Variants in ATXN7L1 observed in about 807,000 individuals in gnomAD.
ATXN7L1 encodes ataxin-7-like protein 1.
In ATXN7L1, 15 loss-of-function variants were observed where a neutral mutation model predicts 70.8. That is an observed-to-expected ratio of 0.21 (90% CI 0.14 to 0.33). The LOEUF is 0.33. Among genes scored for constraint, ATXN7L1 ranks in the 10% least tolerant of loss-of-function variants. The pLI, the probability that ATXN7L1 is intolerant of heterozygous loss-of-function variation, is 1.00. For synonymous variants in ATXN7L1, 440 were observed against 445.1 expected (o/e 0.99, Z 0.14); for missense variants, 975 against 1,097.1 (o/e 0.89, Z 1.57).
intron 2 of ATXN7L1, among the ~76,000 whole-genome samples, chr7:105,855,800 T>A (rs1428760603): frequency 6.6e-6 from 1 of 152,170 alleles, no homozygotes; most frequent in East Asian, 1.9e-4. Context: ...CCTAAACAAT[T>A]CAGAATGACA....
chr7:105,650,669 G>A (rs1799699609), intron 4 of ATXN7L1, among the ~76,000 whole-genome samples: 1 of 152,238 alleles, frequency 6.6e-6, no homozygotes. Context: ...TGCCGGCCAA[G>A]AAGGTCATAG....
chr7:105,662,101 CTT>C (rs1282539624), intron 4 of ATXN7L1, among the ~76,000 whole-genome samples: 59 of 110,598 alleles, frequency 5.3e-4, no homozygotes, highest in Non-Finnish European at 9.4e-4. Context: ...CTTTTCTTTT[CTT>C]TTCTTTTTTT....
At position 105,692,424 on chromosome 7, in the gene ATXN7L1, T is replaced by TCCTTCCCTCCTTCCTTCCTTCCTTCCTC; in HGVS notation, c.356-27137_356-27136insGAGGAAGGAAGGAAGGAAGGAGGGAAGG. ...TTCCTTCCTTCCTTCCTTCCTTCCT[T>TCCTTCCCTCCTTCCTTCCTTCCTTCCTC]CCTCCCTCCCTCCCTCCCTCCCTTC... On this transcript the variant is annotated intron_variant, in intron 3 of 11. Coordinates refer to ENST00000419735, the MANE Select transcript of ATXN7L1 (RefSeq NM_020725.2). Among the ~76,000 whole-genome samples, 320 of 88,176 alleles carry TCCTTCCCTCCTTCCTTCCTTCCTTCCTC rather than the reference T, an allele frequency of 3.6e-3. 14 individuals carry two copies. The highest frequency in any genetic ancestry group is 0.013 in the African/African-American group (296 of 22,636). 57.8% of individuals were successfully genotyped at this position (88,176 alleles called of 152,430 possible).
intron 3 of ATXN7L1, among the ~76,000 whole-genome samples, chr7:105,711,483 T>C (rs1264995314): frequency 2.6e-5 from 4 of 152,198 alleles, no homozygotes; most frequent in Non-Finnish European, 4.4e-5. Flanking sequence ...GGTACAGGCA[T>C]TGGGTAAATG....
chr7:105,765,345 A>C (rs1042224995), intron 3 of ATXN7L1, among the ~76,000 whole-genome samples: 2 of 151,608 alleles, frequency 1.3e-5, no homozygotes, highest in Non-Finnish European at 2.9e-5. Context: ...TAAATAAGTC[A>C]TAACAGCTCA....
At chr7:105,720,468 C>G (rs475654) in intron 3 of ATXN7L1, among the ~76,000 whole-genome samples, 115,208 of 152,126 alleles carry the variant, frequency 0.76, 45,061 homozygotes, top group East Asian at 1. Context: ...GCTCAGACAG[C>G]AGTGCAGTGT....
intron 3 of ATXN7L1, among the ~76,000 whole-genome samples, chr7:105,674,878 C>T (rs1804379233): frequency 6.6e-6 from 1 of 152,176 alleles, no homozygotes; most frequent in South Asian, 2.1e-4. Context: ...CTTCCATCAG[C>T]CCCCAGGGAT....
At chr7:105,739,967 G>A (rs1797822908) in intron 3 of ATXN7L1, among the ~76,000 whole-genome samples, 2 of 152,164 alleles carry the variant, frequency 1.3e-5, no homozygotes, top group South Asian at 2.1e-4. Context: ...ATTTTTGACT[G>A]CACTGGAACC....
At chr7:105,841,041 A>C (rs1209253141) in intron 2 of ATXN7L1, among the ~76,000 whole-genome samples, 1 of 152,252 alleles carries the variant, frequency 6.6e-6, no homozygotes, top group Non-Finnish European at 1.5e-5. Context: ...GATGAGCTCC[A>C]GGTGTTTTTT....
intron 4 of ATXN7L1, among the ~76,000 whole-genome samples, chr7:105,664,575 G>GTCTATATATATATATATATATATATA: frequency 1.5e-5 from 2 of 131,990 alleles, no homozygotes; most frequent in South Asian, 4.9e-4. Context: ...GTATGTGTGT[G>GTCTATATATATATATATATATATATA]TATATATATA....
At chr7:105,755,598 G>A (rs910378436) in intron 3 of ATXN7L1, among the ~76,000 whole-genome samples, 2 of 152,132 alleles carry the variant, frequency 1.3e-5, no homozygotes, top group African/African-American at 4.8e-5. Context: ...CCATCCACTG[G>A]TCCTCTTTTT....
chr7:105,660,234 G>A (rs535691967), intron 4 of ATXN7L1, among the ~76,000 whole-genome samples: 3 of 152,094 alleles, frequency 2.0e-5, no homozygotes, highest in South Asian at 4.2e-4. Context: ...ATCATTCTAC[G>A]TGGCTGTCAA....
At chr7:105,655,622 C>T (rs11979407) in intron 4 of ATXN7L1, among the ~76,000 whole-genome samples, 107 of 152,306 alleles carry the variant, frequency 7.0e-4, no homozygotes, top group Non-Finnish European at 1.2e-3. Context: ...TTCAGGGAGC[C>T]ATCAATCCTG....
At chr7:105,781,164 C>G (rs1382308085) in intron 3 of ATXN7L1, among the ~76,000 whole-genome samples, 1 of 152,164 alleles carries the variant, frequency 6.6e-6, no homozygotes, top group Non-Finnish European at 1.5e-5. Context: ...AAGAATTATT[C>G]AGCCCAAAAT....
intron 2 of ATXN7L1, among the ~76,000 whole-genome samples, chr7:105,848,013 TGGG>T (rs1215013777): frequency 2.0e-5 from 3 of 152,156 alleles, no homozygotes; most frequent in African/African-American, 7.2e-5. Flanking sequence ...ATGACAGACA[TGGG>T]TAAGTTAGCC....
At position 105,703,491 on chromosome 7, in the gene ATXN7L1, T is replaced by C. The variant is rs916403159; in HGVS notation, c.356-38203A>G. ...CCAGTTTAAGTTTTTCTGTTATCCA[T>C]ATTTGGTCCAACATTCTGAACACAA... On this transcript the variant is annotated intron_variant, in intron 3 of 11. Transcript: ENST00000419735. Among the ~76,000 whole-genome samples the C allele has an allele frequency of 2.0e-5, 3 of 152,206 alleles. 1 individual carries two copies. Among genetic ancestry groups the C allele is most frequent in the Admixed American group, 1.3e-4 (2 of 15,276 alleles).
chr7:105,727,746 G>GTGTGTATATATATA (rs1333693053), intron 3 of ATXN7L1, among the ~76,000 whole-genome samples: 34 of 55,336 alleles, frequency 6.1e-4, no homozygotes, highest in Non-Finnish European at 8.3e-4. Flanking sequence ...GTGTATGTGT[G>GTGTGTATATATATA]TATATATATA....
chr7:105,635,687 T>C (rs1293583839), intron 7 of ATXN7L1, among the ~76,000 whole-genome samples: 1 of 152,192 alleles, frequency 6.6e-6, no homozygotes, highest in Admixed American at 6.5e-5. Flanking sequence ...TAGCAATCCC[T>C]GACAAGAATG....
rs535951097 is a variant in ATXN7L1 at position 105,775,963 on chromosome 7, T to A, written c.355+12641A>T. ...TGGCACAGTTTCCCAAGGGTATGCA[T>A]CTACCCAAACCCTTGTTCTTCGTAT... On this transcript the variant is annotated intron_variant, in intron 3 of 11. Coordinates refer to ENST00000419735, the MANE Select transcript of ATXN7L1 (RefSeq NM_020725.2). Among the ~76,000 whole-genome samples the A allele has an allele frequency of 2.0e-5, 3 of 152,284 alleles. No individual in the cohort carries two copies. In the South Asian group the frequency reaches 6.2e-4, roughly 32 times the overall value.
Sources: gnomAD v4.1 joint callset for allele counts (sites outside exome capture counted in the v4.1 genomes callset) on GRCh38, gnomAD v4.1.1 for gene constraint, MANE v1.5 for transcripts, NCBI Gene and HGNC (gene_info 2026-07-23, HGNC 2026-07-21) for gene names.